Variants in UBA6 observed in about 807,000 individuals in gnomAD.
UBA6 encodes the protein ubiquitin-like modifier-activating enzyme 6.
UBA6 carries 87 observed loss-of-function variants against 148.3 expected under a neutral mutation model. That is an observed-to-expected ratio of 0.59 (90% CI 0.49 to 0.70). UBA6 has a LOEUF of 0.70. UBA6 is among the 30% of genes least tolerant of loss of function. The pLI is 0.00. For synonymous variants in UBA6, 376 were observed against 401.0 expected (o/e 0.94, Z 0.75); for missense variants, 1,186 against 1,241.2 (o/e 0.96, Z 0.67).
At chr4:67,668,521 T>C (rs772508856) in intron 9 of UBA6, 30 bp downstream of exon 9, 108 of 1,591,730 alleles carry the variant, frequency 6.8e-5, no homozygotes, top group Middle Eastern at 5.5e-4. Flanking sequence ...TGAATAAGTA[T>C]AAATGAATTA....
chr4:67,622,098 G>T (rs964712347), intron 32 of UBA6, among the ~76,000 whole-genome samples: 1 of 152,184 alleles, frequency 6.6e-6, no homozygotes, highest in Non-Finnish European at 1.5e-5. Context: ...AAATAAGGAG[G>T]CCAGTGTAGC....
rs375131806 is a variant in UBA6 at position 67,635,460 on chromosome 4, T to C, written c.1835A>G (p.Asn612Ser). The change falls in exon 20 of 33, where the codon AAT becomes AGT. Residue 612 changes from asparagine (N) to serine (S), a missense_variant. Physicochemically the swap from Asn to Ser is conservative, Grantham distance 46 (BLOSUM62 1). Coordinates refer to ENST00000322244, the MANE Select transcript of UBA6 (RefSeq NM_018227.6). ...AAATATTGATTCACTTACATGACTATTGTAAGACTCAGTCAAATGCGGTAC... is the reference window on the plus strand; with the variant it reads ...AAATATTGATTCACTTACATGACTACTGTAAGACTCAGTCAAATGCGGTAC... ...VIVPHLTESY[N>S]SHRDPPEEEI... The C allele has an allele frequency of 2.5e-6, 4 of 1,573,240 alleles. No individual in the cohort carries two copies. The highest frequency in any genetic ancestry group is 1.7e-5 in the Admixed American group (1 of 59,842).
chr4:67,637,965 T>TAAATAAATAAATAAAA (rs1183372475), intron 19 of UBA6, among the ~76,000 whole-genome samples: 1 of 150,008 alleles, frequency 6.7e-6, no homozygotes, highest in African/African-American at 2.5e-5. Flanking sequence ...AATAAATAAA[T>TAAATAAATAAATAAAA]AAAAAGAAAT....
Position 67,625,410 on chromosome 4 carries a change from C to T in UBA6, c.2519-223G>A, listed in dbSNP as rs563646678. Among the ~76,000 whole-genome samples, 56 of 139,728 alleles carry T rather than the reference C, an allele frequency of 4.0e-4. No homozygotes were observed. The South Asian group carries it at 0.01, about 26-fold the overall frequency. 91.7% of individuals were successfully genotyped at this position (139,728 alleles called of 152,430 possible). A position where few individuals can be genotyped will look rare whatever the true frequency, so the allele number is the denominator to read the frequency against. ...TTTTTTTTAATTAAAAAAAAAAAAACGATGGTTTTAATGCCACTAAACTAG... is the reference window on the plus strand; with the variant it reads ...TTTTTTTTAATTAAAAAAAAAAAAATGATGGTTTTAATGCCACTAAACTAG... On this transcript the variant is annotated intron_variant, in intron 28 of 32. Transcript: ENST00000322244.
chr4:67,670,492 A>C lies in UBA6; in HGVS notation c.647T>G (p.Ile216Ser). The C allele has an allele frequency of 6.3e-7, 1 of 1,583,994 alleles. No homozygotes were observed. The highest frequency in any genetic ancestry group is 8.7e-7 in the Non-Finnish European group (1 of 1,154,536). The change falls in exon 8 of 33, where the codon ATT (isoleucine) becomes AGT (serine). Residue 216 changes from isoleucine (I) to serine (S), a missense_variant. By Grantham distance (142) the Ile-to-Ser change is moderately radical. Transcript: ENST00000322244. ...LDTTGEEPKEIFISNITQANP... is the reference protein window; with the variant it reads ...LDTTGEEPKESFISNITQANP... ...TACTTGCGTTATGTTTGAAATGAAA[A>C]TTTCTTTTGGTTCTTCTCCTGTTGT... is the stretch of plus-strand genomic sequence containing the variant.
intron 12 of UBA6, 37 bp downstream of exon 12, chr4:67,663,098 TATAA>T (rs1218354278): frequency 2.0e-6 from 3 of 1,478,922 alleles, no homozygotes; most frequent in Admixed American, 2.0e-5. Flanking sequence ...CTACTACTTT[TATAA>T]AAAGGAAAAT....
chr4:67,699,124 G>A (rs1245658439), intron 1 of UBA6, among the ~76,000 whole-genome samples: 1 of 152,066 alleles, frequency 6.6e-6, no homozygotes, highest in Non-Finnish European at 1.5e-5. Context: ...TTCAAAAAAC[G>A]TATCTGTACT....
intron 6 of UBA6, among the ~76,000 whole-genome samples, chr4:67,676,303 C>T (rs1472307083): frequency 3.9e-5 from 6 of 152,076 alleles, no homozygotes; most frequent in African/African-American, 2.4e-5. Context: ...GGATTATAGG[C>T]GTGAGCCACC....
chr4:67,643,952 A>C (rs774531200), intron 17 of UBA6, among the ~76,000 whole-genome samples: 2 of 152,108 alleles, frequency 1.3e-5, no homozygotes, highest in Non-Finnish European at 2.9e-5. Context: ...TATTTAGGAA[A>C]TGTTAATATA....
At chr4:67,623,300 C>A in intron 30 of UBA6, 78 bp from the exon 31 acceptor site, 5 of 1,017,884 alleles carry the variant, frequency 4.9e-6, no homozygotes, top group Admixed American at 4.2e-5. Context: ...AAAAAAAACC[C>A]ACTTTCAGAA....
chr4:67,647,796 CAG>C (rs1729455596), intron 14 of UBA6, among the ~76,000 whole-genome samples: 1 of 136,980 alleles, frequency 7.3e-6, no homozygotes, highest in Non-Finnish European at 1.5e-5. Flanking sequence ...TTTTTTGAGA[CAG>C]AGTCTCACTC....
chr4:67,623,352 T>C, intron 30 of UBA6, 130 bp from the exon 31 acceptor site: 1 of 629,308 alleles, frequency 1.6e-6, no homozygotes, highest in Non-Finnish European at 2.8e-6. Flanking sequence ...TGTGGGGAAA[T>C]AAAGGATAAT....
At chr4:67,660,730 C>T (rs1342120891) in intron 13 of UBA6, among the ~76,000 whole-genome samples, 1 of 152,114 alleles carries the variant, frequency 6.6e-6, no homozygotes. Context: ...GAGAAGAGTG[C>T]CACAGTCCTC....
intron 10 of UBA6, among the ~76,000 whole-genome samples, chr4:67,664,370 A>G (rs1412901630): frequency 6.6e-6 from 1 of 152,126 alleles, no homozygotes; most frequent in Non-Finnish European, 1.5e-5. Flanking sequence ...GACATATCCA[A>G]TTAAAAATTG....
In UBA6 at chr4:67,634,266, A is replaced by C. The variant is rs1487032465; in HGVS notation, c.1989T>G (p.Tyr663Ter). The C allele has an allele frequency of 6.3e-7, 1 of 1,597,618 alleles. No individual in the cohort carries two copies. Among genetic ancestry groups the C allele is most frequent in the Non-Finnish European group, 8.5e-7 (1 of 1,175,744 alleles). The change falls in exon 22 of 33, where the codon TAT (tyrosine) becomes TAG (stop). Residue 663 changes from tyrosine (Y) to a stop codon, truncating the protein, a stop_gained. Coordinates refer to ENST00000322244, the MANE Select transcript of UBA6 (RefSeq NM_018227.6). LOFTEE classifies it high-confidence loss of function. ...PSLFNKFWQT[Y>*]SSAEEVLQKI... ...CCTGTAAGACTTCTTCTGCAGATGA[A>C]TAGGTTTGCCAAAATTTGTTAAACA...
intron 6 of UBA6, among the ~76,000 whole-genome samples, chr4:67,675,706 G>A (rs1410882707): frequency 6.6e-6 from 1 of 151,878 alleles, no homozygotes; most frequent in Non-Finnish European, 1.5e-5. Context: ...ACTCCAGCCT[G>A]GGAGACAGAG....
chr4:67,630,575 G>A, intron 25 of UBA6, 40 bp from the exon 26 acceptor site: 2 of 1,336,466 alleles, frequency 1.5e-6, no homozygotes, highest in Non-Finnish European at 2.1e-6. Context: ...TGAATGTACA[G>A]TTTTAAAGAC....
At chr4:67,677,413 TAACTA>T (rs1730308865) in intron 6 of UBA6, among the ~76,000 whole-genome samples, 193 bp downstream of exon 6, 2 of 152,246 alleles carry the variant, frequency 1.3e-5, no homozygotes, top group Admixed American at 6.5e-5. Flanking sequence ...CCAACTGATA[TAACTA>T]CTTTGTCAGT....
chr4:67,688,124 C>G (rs992950619), intron 2 of UBA6, among the ~76,000 whole-genome samples: 6 of 152,128 alleles, frequency 3.9e-5, no homozygotes, highest in Admixed American at 6.5e-5. Flanking sequence ...TAGGAATGTC[C>G]TGATTCTGCT....
Sources: allele counts gnomAD v4.1 joint callset (sites outside exome capture counted in the v4.1 genomes callset), GRCh38; gene constraint gnomAD v4.1.1; transcripts MANE v1.5; gene names NCBI Gene and HGNC (gene_info 2026-07-23, HGNC 2026-07-21).